CLCN3: variants seen among roughly 807,000 people sequenced by gnomAD.
The protein encoded by CLCN3 is Cl-/H+ antiporter 3.
In CLCN3, 16 loss-of-function variants were observed where a neutral mutation model predicts 83.4. The observed-to-expected ratio is 0.19, with a 90% CI of 0.13 to 0.29. CLCN3 has a LOEUF of 0.29. CLCN3 is among the 10% of genes least tolerant of loss of function. The pLI is 1.00. For missense variants in CLCN3, 544 were observed against 1,006.0 expected (o/e 0.54, Z 6.21); for synonymous variants, 322 against 346.2 (o/e 0.93, Z 0.78).
At chr4:169,644,024 C>T (rs1047680361) in intron 2 of CLCN3, among the ~76,000 whole-genome samples, 1 of 152,102 alleles carries the variant, frequency 6.6e-6, no homozygotes, top group Non-Finnish European at 1.5e-5. Flanking sequence ...AATGTTCAGC[C>T]CACAACTCAA....
intron 1 of CLCN3, among the ~76,000 whole-genome samples, chr4:169,625,097 C>G (rs1374077047): frequency 6.6e-6 from 1 of 152,166 alleles, no homozygotes; most frequent in Non-Finnish European, 1.5e-5. Context: ...GGCCTCTTTT[C>G]ACGTTTCAAT....
intron 2 of CLCN3, among the ~76,000 whole-genome samples, chr4:169,678,682 C>T (rs982090327): frequency 9.9e-5 from 15 of 152,126 alleles, no homozygotes; most frequent in African/African-American, 3.6e-4. Context: ...CGCCCTTAAT[C>T]CCTTTAACCC....
intron 8 of CLCN3, among the ~76,000 whole-genome samples, chr4:169,696,154 A>G (rs1240401701): frequency 6.6e-6 from 1 of 152,038 alleles, no homozygotes; most frequent in Non-Finnish European, 1.5e-5. Flanking sequence ...CAATGGCGCG[A>G]TCTTGGCTCA....
chr4:169,680,317 T>C lies in CLCN3; in HGVS notation c.318+110T>C, dbSNP rs912032202. The C allele has an allele frequency of 1.2e-5, 9 of 752,718 alleles. No individual in the cohort carries two copies. In the African/African-American group the frequency reaches 1.6e-4, roughly 13 times the overall value. 46.6% of individuals were successfully genotyped at this position (752,718 alleles called of 1,614,324 possible). ...GCCAAATGTTTACATTTAATATAAG[T>C]AAATGTCTACATTTCATATGTGGTA... On this transcript the variant is annotated intron_variant, in intron 3 of 12. Transcript: ENST00000513761.
intron 2 of CLCN3, among the ~76,000 whole-genome samples, chr4:169,641,975 A>G (rs6828910): frequency 0.46 from 70,604 of 152,152 alleles, 18,287 homozygotes; most frequent in East Asian, 0.77. Flanking sequence ...ACAGAATTCA[A>G]TCATTTGCAT....
intron 2 of CLCN3, among the ~76,000 whole-genome samples, chr4:169,678,992 G>A (rs958937535): frequency 1.9e-4 from 29 of 151,962 alleles, no homozygotes; most frequent in Admixed American, 3.9e-4. Flanking sequence ...GGGCGGCCGG[G>A]CGGAGGCGCC....
chr4:169,626,525 G>T (rs184545900), intron 1 of CLCN3, among the ~76,000 whole-genome samples: 8 of 152,334 alleles, frequency 5.3e-5, no homozygotes, highest in Admixed American at 4.6e-4. Context: ...AGGGTCTGGG[G>T]CAAGCTCCCT....
At chr4:169,696,798 T>G (rs1732580287) in intron 8 of CLCN3, among the ~76,000 whole-genome samples, 1 of 148,446 alleles carries the variant, frequency 6.7e-6, no homozygotes, top group Admixed American at 6.6e-5. Flanking sequence ...CTTTTTTCTT[T>G]TAGTTGTTTG....
At chr4:169,632,586 G>A (rs1773401939) in intron 1 of CLCN3, among the ~76,000 whole-genome samples, 1 of 151,770 alleles carries the variant, frequency 6.6e-6, no homozygotes, top group Non-Finnish European at 1.5e-5. Flanking sequence ...GCGCAGTGGC[G>A]GGCGCCTGTA....
intron 2 of CLCN3, among the ~76,000 whole-genome samples, chr4:169,669,693 G>A (rs917982630): frequency 1.3e-5 from 2 of 152,160 alleles, no homozygotes; most frequent in African/African-American, 4.8e-5. Context: ...CCAGTCACCA[G>A]TTTAATAGTT....
chr4:169,634,498 G>A (rs1773456842), intron 1 of CLCN3, among the ~76,000 whole-genome samples: 2 of 152,152 alleles, frequency 1.3e-5, no homozygotes, highest in African/African-American at 2.4e-5. Context: ...AGATTTCTTA[G>A]TATGAACAAC....
At chr4:169,658,924 A>T (rs1034899445) in intron 2 of CLCN3, among the ~76,000 whole-genome samples, 3 of 152,092 alleles carry the variant, frequency 2.0e-5, no homozygotes, top group South Asian at 2.1e-4. Context: ...ACAGTTTTTT[A>T]AAAAGACCCT....
At chr4:169,630,789 A>G (rs1367735305) in intron 1 of CLCN3, among the ~76,000 whole-genome samples, 1 of 152,192 alleles carries the variant, frequency 6.6e-6, no homozygotes, top group African/African-American at 2.4e-5. Flanking sequence ...TTGGCCTCCC[A>G]AAGTGCTGGG....
chr4:169,631,481 G>T (rs4692735), intron 1 of CLCN3, among the ~76,000 whole-genome samples: 70,231 of 151,758 alleles, frequency 0.46, 18,118 homozygotes, highest in East Asian at 0.76. Flanking sequence ...GTAGAGACGG[G>T]GTTTCACCAT....
intron 1 of CLCN3, among the ~76,000 whole-genome samples, chr4:169,628,889 CA>C (rs1332925099): frequency 2.6e-5 from 4 of 152,160 alleles, no homozygotes; most frequent in African/African-American, 9.7e-5. Context: ...AACATAGAAA[CA>C]AGCCAGATGT....
chr4:169,637,162 T>G (rs888151591), intron 2 of CLCN3, among the ~76,000 whole-genome samples: 2 of 152,218 alleles, frequency 1.3e-5, no homozygotes, highest in African/African-American at 4.8e-5. Flanking sequence ...CTTTTTAGAT[T>G]GCCTCTTTTA....
intron 2 of CLCN3, among the ~76,000 whole-genome samples, chr4:169,644,532 G>A (rs946569036): frequency 6.6e-6 from 1 of 152,120 alleles, no homozygotes; most frequent in Non-Finnish European, 1.5e-5. Context: ...GTGAGCCACC[G>A]TGCCTGGCCA....
chr4:169,700,695 G>T (rs753932470), intron 9 of CLCN3, among the ~76,000 whole-genome samples: 2 of 152,038 alleles, frequency 1.3e-5, no homozygotes, highest in African/African-American at 4.8e-5. Context: ...AGAGATATAG[G>T]TTCAGTTCAG....
intron 2 of CLCN3, among the ~76,000 whole-genome samples, chr4:169,651,966 G>A (rs1170495820): frequency 6.6e-6 from 1 of 151,752 alleles, no homozygotes; most frequent in African/African-American, 2.4e-5. Flanking sequence ...GTTTAGGTAG[G>A]GAAAAAAAGA....
Sources: gnomAD v4.1 joint callset for allele counts (sites outside exome capture counted in the v4.1 genomes callset) on GRCh38, gnomAD v4.1.1 for gene constraint, MANE v1.5 for transcripts, NCBI Gene and HGNC (gene_info 2026-07-23, HGNC 2026-07-21) for gene names.